Variants in MED17 observed in about 807,000 individuals in gnomAD.
MED17 encodes the protein mediator complex subunit 17, also known as mediator of RNA polymerase II transcription subunit 17.
MED17 carries 49 observed loss-of-function variants against 80.8 expected under a neutral mutation model. That is an observed-to-expected ratio of 0.61 (90% CI 0.48 to 0.77). MED17 has a LOEUF of 0.77. Ranked by LOEUF, MED17 falls within the 30% of genes least tolerant of loss-of-function variation. The probability of loss-of-function intolerance (pLI) is 0.00; values close to 1 mark genes in which losing one functional copy is unlikely to be tolerated. For missense variants in MED17, 718 were observed against 787.0 expected, an observed-to-expected ratio of 0.91 and a Z score of 1.05; for synonymous variants, 281 against 280.4, an observed-to-expected ratio of 1.00 and a Z score of -0.02.
chr11:93,796,613 T>G, intron 7 of MED17, 73 bp downstream of exon 7: 3 of 1,533,936 alleles, frequency 2.0e-6, no homozygotes, highest in East Asian at 2.3e-5. Context: ...AAAGCTCCTC[T>G]CGTCTGCTGA....
At chr11:93,792,145 A>G (rs963548036) in intron 3 of MED17, among the ~76,000 whole-genome samples, 4 of 152,146 alleles carry the variant, frequency 2.6e-5, no homozygotes, top group African/African-American at 9.7e-5. Flanking sequence ...TCAGGGGAGG[A>G]GGCAAGAAGT....
chr11:93,799,134 G>A (rs1164453210), intron 8 of MED17, among the ~76,000 whole-genome samples: 1 of 151,454 alleles, frequency 6.6e-6, no homozygotes, highest in African/African-American at 2.4e-5. Context: ...CCAGGAGTTT[G>A]AGACCAGCCT....
At position 93,793,993 on chromosome 11, in the gene MED17, A is replaced by G; in HGVS notation, c.817A>G (p.Thr273Ala). The G allele has an allele frequency of 6.2e-7, 1 of 1,614,086 alleles. No individual in the cohort carries two copies. The highest frequency in any genetic ancestry group is 8.5e-7 in the Non-Finnish European group (1 of 1,180,004). The change falls in exon 5 of 12, where the codon ACA becomes GCA. Residue 273 changes from threonine (T) to alanine (A), a missense_variant. Physicochemically the swap from Thr to Ala is moderately conservative, Grantham distance 58. Transcript: ENST00000251871. The stretch of plus-strand genomic sequence containing the variant: ...GGCTCCAGATATAGGTGACCTCGGC[A>G]CAGTTAACCTCTTCAAACGACCTTT... ...KQAPDIGDLG[T>A]VNLFKRPLPK... is the part of the protein sequence containing the mutation.
chr11:93,797,369 A>G (rs994578208), intron 7 of MED17, 166 bp from the exon 8 acceptor site: 2 of 668,026 alleles, frequency 3.0e-6, no homozygotes, highest in Non-Finnish European at 5.3e-6. Context: ...ACAGTCTTGC[A>G]TTATGTGTGA....
intron 9 of MED17, among the ~76,000 whole-genome samples, chr11:93,803,967 GTA>G (rs1192044339): frequency 1.4e-5 from 2 of 144,596 alleles, no homozygotes; most frequent in African/African-American, 5.3e-5. Flanking sequence ...GTGTATGTGT[GTA>G]TATGTGTGTG....
intron 5 of MED17, 156 bp downstream of exon 5, chr11:93,794,191 G>T: frequency 1.9e-6 from 1 of 528,236 alleles, no homozygotes; most frequent in Non-Finnish European, 3.3e-6. Context: ...TTAGTGAATA[G>T]CTGTGCAATT....
intron 6 of MED17, chr11:93,795,884 C>A: frequency 6.1e-6 from 1 of 162,780 alleles, no homozygotes; most frequent in Non-Finnish European, 1.3e-5. Flanking sequence ...AGGGCAGCAG[C>A]CATATTATGT....
intron 8 of MED17, chr11:93,801,314 C>G (rs754619176): frequency 6.4e-6 from 1 of 156,342 alleles, no homozygotes. Context: ...TCTTATTTCT[C>G]ATTGGTATTG....
At chr11:93,799,302 A>G (rs1008545000) in intron 8 of MED17, among the ~76,000 whole-genome samples, 4 of 151,836 alleles carry the variant, frequency 2.6e-5, no homozygotes, top group Non-Finnish European at 5.9e-5. Context: ...CAGCCTCCCA[A>G]GTATTTGGGA....
Position 93,801,882 on chromosome 11 carries a change from A to G in MED17, c.1376A>G (p.Gln459Arg). 1.2e-6 allele frequency: 2 copies of G among 1,613,638 alleles called. No homozygotes were observed. The highest frequency in any genetic ancestry group is 1.7e-6 in the Non-Finnish European group (2 of 1,179,812). The change falls in exon 9 of 12, where the codon CAG becomes CGG. Residue 459 changes from glutamine (Q) to arginine (R), a missense_variant. Gln to Arg is a conservative substitution (Grantham distance 43). Coordinates refer to ENST00000251871, the MANE Select transcript of MED17 (RefSeq NM_004268.5). ...TTAGCAAGCCGAATTGAGGATCCTC[A>G]GATACAGGCTCATTGGTCAAATATC... Reference protein sequence around the residue: ...DSLASRIEDPQIQAHWSNIND... With the variant: ...DSLASRIEDPRIQAHWSNIND...
At chr11:93,795,685 T>C (rs1398458174) in intron 6 of MED17, 1 of 153,498 alleles carries the variant, frequency 6.5e-6, no homozygotes, top group Non-Finnish European at 1.4e-5. Flanking sequence ...TGCACTTGTT[T>C]TTTACATAAA....
intron 1 of MED17, 72 bp from the exon 2 acceptor site, chr11:93,787,929 C>A: frequency 2.4e-6 from 3 of 1,273,102 alleles, no homozygotes; most frequent in African/African-American, 1.5e-5. Flanking sequence ...ACTTTTTAAA[C>A]CTAAGTGAGC....
chr11:93,790,392 A>G, intron 2 of MED17, 182 bp from the exon 3 acceptor site: 1 of 640,528 alleles, frequency 1.6e-6, no homozygotes, highest in Non-Finnish European at 2.8e-6. Flanking sequence ...TAACATAAGT[A>G]AAGCTTTGAG....
chr11:93,796,496 C>G lies in MED17; in HGVS notation c.1099C>G (p.His367Asp), dbSNP rs1020694159. ...FATEKQCPED[H>D]LYVLEHNLHL... is the part of the protein sequence containing the mutation. ...TACTGAGAAGCAATGTCCGGAGGAC[C>G]ACCTTTATGTCCTAGAGCATAATTT... Residue 367 changes from histidine (H) to aspartate (D), a missense_variant, in exon 7 of 12, where the codon CAC becomes GAC. By Grantham distance (81) the His-to-Asp change is moderately conservative (BLOSUM62 -1). Transcript: ENST00000251871. 6.2e-7 allele frequency: 1 copy of G among 1,613,928 alleles called. No individual in the cohort carries two copies. Among genetic ancestry groups the G allele is most frequent in the African/African-American group, 1.3e-5 (1 of 74,996 alleles).
chr11:93,811,924 A>G lies in MED17; in HGVS notation c.1816A>G (p.Lys606Glu). 1.2e-6 allele frequency: 2 copies of G among 1,614,140 alleles called. No individual in the cohort carries two copies. Among genetic ancestry groups the G allele is most frequent in the Non-Finnish European group, 1.7e-6 (2 of 1,180,014 alleles). Reference protein sequence around the residue: ...FPRNQCKDLPKSDVLQDNKWS... With the variant: ...FPRNQCKDLPESDVLQDNKWS... ...TCGTAACCAATGTAAAGACCTTCCA[A>G]AAAGTGATGTTTTACAAGATAACAA... The change falls in exon 12 of 12, where the codon AAA (lysine) becomes GAA (glutamate). Residue 606 changes from lysine to glutamate, a missense_variant. Coordinates refer to ENST00000251871, the MANE Select transcript of MED17 (RefSeq NM_004268.5).
intron 2 of MED17, chr11:93,788,503 A>G: frequency 4.7e-6 from 1 of 213,962 alleles, no homozygotes; most frequent in Non-Finnish European, 9.5e-6. Context: ...AATGCTGTGA[A>G]ACCTTGTCTC....
intron 3 of MED17, among the ~76,000 whole-genome samples, chr11:93,792,008 C>T (rs773556375): frequency 2.0e-5 from 3 of 152,058 alleles, no homozygotes; most frequent in Non-Finnish European, 4.4e-5. Context: ...AATTCTTAGT[C>T]GTTGAGCTAT....
At position 93,814,309 on chromosome 11, in the gene MED17, G is replaced by A. The variant is rs1944112750; in HGVS notation, c.*2245G>A. On this transcript the variant is annotated 3_prime_UTR_variant, in exon 12 of 12. Coordinates refer to ENST00000251871, the MANE Select transcript of MED17 (RefSeq NM_004268.5). ...GTGGGAAAATGGTAGCTTAGTTGCT[G>A]TGGTAGCAATTCTTATGCCTTGTAT... The A allele has an allele frequency of 6.6e-6, 1 of 152,214 alleles. No individual in the cohort carries two copies. Among genetic ancestry groups the A allele is most frequent in the Non-Finnish European group, 1.5e-5 (1 of 68,038 alleles). 9.4% of individuals were successfully genotyped at this position (152,214 alleles called of 1,614,324 possible).
At chr11:93,790,860 A>G (rs1360036620) in intron 3 of MED17, 67 bp downstream of exon 3, 7 of 1,392,016 alleles carry the variant, frequency 5.0e-6, no homozygotes, top group African/African-American at 2.9e-5. Flanking sequence ...TAATCCTAGC[A>G]CTTTGGAAGG....
Sources: gnomAD v4.1 joint callset for allele counts (sites outside exome capture counted in the v4.1 genomes callset) on GRCh38, gnomAD v4.1.1 for gene constraint, MANE v1.5 for transcripts, NCBI Gene and HGNC (gene_info 2026-07-23, HGNC 2026-07-21) for gene names.